Variants in TMEM43 observed in about 807,000 individuals in gnomAD.
TMEM43 encodes arrhythmogenic right ventricular dysplasia 5.
Under a neutral mutation model 49.6 loss-of-function variants are expected in TMEM43, and 45 were observed. The observed-to-expected ratio is 0.91, with a 90% CI of 0.71 to 1.16. The LOEUF (loss-of-function observed/expected upper bound fraction) is 1.16. Among genes scored for constraint, TMEM43 ranks in the 50% most tolerant of loss-of-function variants. The pLI is 0.00. For synonymous variants in TMEM43, 199 were observed against 207.8 expected (o/e 0.96, Z 0.36); for missense variants, 532 against 516.6 (o/e 1.03, Z -0.29).
rs10648308 is a variant in TMEM43 at position 14,129,307 on chromosome 3, T to TAA, written c.13-79_13-78dup. 0.018 allele frequency: 6,841 copies of TAA among 378,292 alleles called. 117 individuals are homozygous for TAA. Among genetic ancestry groups the TAA allele is most frequent in the African/African-American group, 0.069 (1,986 of 28,846 alleles). The allele number at this position is 378,292 out of a possible 1,614,324, so 23.4% of individuals were successfully genotyped here. On this transcript the variant is annotated intron_variant, in intron 1 of 11. Transcript: ENST00000306077. ...TGTTTTTACCACATACAGTTAAAAC[T>TAA]AAAAAAAAAAAAAAAAAAAAAAAAA...
intron 1 of TMEM43, among the ~76,000 whole-genome samples, chr3:14,126,031 C>T (rs1215485006): frequency 1.3e-5 from 2 of 152,174 alleles, no homozygotes; most frequent in African/African-American, 2.4e-5. Flanking sequence ...CACACCCTCC[C>T]TCCTGCTTTG....
At chr3:14,134,365 A>T (rs1479372152) in intron 7 of TMEM43, among the ~76,000 whole-genome samples, 1 of 152,160 alleles carries the variant, frequency 6.6e-6, no homozygotes, top group African/African-American at 2.4e-5. Flanking sequence ...AGTCCTGGGG[A>T]GGCTGGATGA....
chr3:14,133,830 G>A, intron 7 of TMEM43, 21 bp downstream of exon 7: 1 of 1,612,548 alleles, frequency 6.2e-7, no homozygotes, highest in Non-Finnish European at 8.5e-7. Context: ...GGCCTCTCCA[G>A]AGGAGCTCGT....
chr3:14,136,167 CTATT>C (rs1473526171), intron 10 of TMEM43, among the ~76,000 whole-genome samples: 1 of 152,168 alleles, frequency 6.6e-6, no homozygotes, highest in Non-Finnish European at 1.5e-5. Flanking sequence ...AACACAGAAT[CTATT>C]TATGTTTCAT....
Position 14,142,124 on chromosome 3 carries a change from C to G in TMEM43, c.*329C>G. 2.5e-6 allele frequency: 1 copy of G among 397,142 alleles called. No homozygotes were observed. Among genetic ancestry groups the G allele is most frequent in the Non-Finnish European group, 4.7e-6 (1 of 211,308 alleles). 24.6% of individuals were successfully genotyped at this position (397,142 alleles called of 1,614,324 possible). The stretch of plus-strand genomic sequence containing the variant: ...CTCAGCCCATTGGCAGCTGACAACG[C>G]AGACACGCTCTACGGAGGCCTGCTG... On this transcript the variant is annotated 3_prime_UTR_variant, in exon 12 of 12. Transcript: ENST00000306077.
intron 2 of TMEM43, among the ~76,000 whole-genome samples, 154 bp from the exon 3 acceptor site, chr3:14,130,668 C>G (rs1042693961): frequency 6.6e-6 from 1 of 152,068 alleles, no homozygotes; most frequent in African/African-American, 2.4e-5. Flanking sequence ...AGTCCTTACT[C>G]TCCACTTGCT....
At position 14,130,927 on chromosome 3, in the gene TMEM43, C is replaced by T. The variant is rs1437438778; in HGVS notation, c.268C>T (p.His90Tyr). ...TCCGGAGAATGAAGGAAGGCTGGTG[C>T]ACATCATTGGCGCCTTACGGACATC... Reference protein sequence around the residue: ...VAPENEGRLVHIIGALRTSKL... With the variant: ...VAPENEGRLVYIIGALRTSKL... Residue 90 changes from histidine (H) to tyrosine (Y), a missense_variant, in exon 3 of 12, where the codon CAC becomes TAC. Coordinates refer to ENST00000306077, the MANE Select transcript of TMEM43 (RefSeq NM_024334.3). 2 of 1,613,044 alleles carry T rather than the reference C, an allele frequency of 1.2e-6. No homozygotes were observed. Among genetic ancestry groups the T allele is most frequent in the Admixed American group, 3.3e-5 (2 of 59,962 alleles).
chr3:14,130,810 C>T lies in TMEM43; in HGVS notation c.163-12C>T. On this transcript the variant is annotated splice_polypyrimidine_tract_variant and intron_variant, in intron 2 of 11. Transcript: ENST00000306077. ...CTGAGCTGTTGAAATCCCCACTCCC[C>T]TTTGCTCCCAGGGCCGCGCATTGAA... is the stretch of plus-strand genomic sequence containing the variant. The T allele has an allele frequency of 6.2e-7, 1 of 1,613,626 alleles. No individual in the cohort carries two copies. The highest frequency in any genetic ancestry group is 1.1e-5 in the South Asian group (1 of 90,952).
In TMEM43 at chr3:14,125,191, AC is replaced by A. The variant is rs1559358896; in HGVS notation, c.-1del. ...AGGCGGCGGCAGCGAGCCGGGTCCC[AC>A]CATGGCCGCGAATGTGAGTATCCCC... On this transcript the variant is annotated 5_prime_UTR_variant, in exon 1 of 12. Transcript: ENST00000306077. 6.2e-7 allele frequency: 1 copy of A among 1,610,414 alleles called. No homozygotes were observed. The highest frequency in any genetic ancestry group is 1.3e-5 in the African/African-American group (1 of 75,022).
At chr3:14,140,600 G>A (rs963644032) in intron 11 of TMEM43, among the ~76,000 whole-genome samples, 61 of 152,144 alleles carry the variant, frequency 4.0e-4, no homozygotes, top group Admixed American at 3.9e-3. Flanking sequence ...TTCAAATCCT[G>A]GTTCTGGCAC....
rs1190861510 is a variant in TMEM43, at chr3:14,129,422, C to A, written c.23C>A (p.Thr8Asn). 1 of 1,612,662 alleles carries A rather than the reference C, an allele frequency of 6.2e-7. No individual in the cohort carries two copies. Residue 8 changes from threonine to asparagine, a missense_variant, in exon 2 of 12, where the codon ACC (threonine) becomes AAC (asparagine). By Grantham distance (65) the Thr-to-Asn change is moderately conservative (BLOSUM62 0). Coordinates refer to ENST00000306077, the MANE Select transcript of TMEM43 (RefSeq NM_024334.3). ...TTTCTTTTTCTTCAGTATTCCAGTA[C>A]CAGTACCCGGAGAGAACATGTCAAA... The part of the protein sequence containing the change: MAANYSS[T>N]STRREHVKVK...
intron 10 of TMEM43, chr3:14,137,922 A>C (rs2731329): frequency 1.3e-5 from 2 of 152,162 alleles, no homozygotes; most frequent in African/African-American, 4.8e-5. Flanking sequence ...CCTTGGGCAC[A>C]TGACTTATTC....
intron 11 of TMEM43, among the ~76,000 whole-genome samples, chr3:14,140,121 C>T (rs1468490297): frequency 6.6e-6 from 1 of 152,188 alleles, no homozygotes; most frequent in Non-Finnish European, 1.5e-5. Context: ...GCTGGGGGGA[C>T]CACCTCCTTT....
chr3:14,137,320 GCC>G (rs1695181961), intron 10 of TMEM43: 1 of 136,772 alleles, frequency 7.3e-6, no homozygotes. Context: ...AAATTAGGAG[GCC>G]CAGTCCAGGC....
In TMEM43 at chr3:14,138,366, A is replaced by G. The variant is rs192448200; in HGVS notation, c.883-814A>G. Reference sequence around the variant, plus strand: ...CTGTGTGGAGAACACAGAGTGGGTGATAGAAGCAGGGCCAGTGAGGCTCCT... The same window carrying G: ...CTGTGTGGAGAACACAGAGTGGGTGGTAGAAGCAGGGCCAGTGAGGCTCCT... On this transcript the variant is annotated intron_variant, in intron 10 of 11. Coordinates refer to ENST00000306077, the MANE Select transcript of TMEM43 (RefSeq NM_024334.3). Among the ~76,000 whole-genome samples, 77 of 152,212 alleles carry G rather than the reference A, an allele frequency of 5.1e-4. 1 individual carries two copies. Among genetic ancestry groups the G allele is most frequent in the Non-Finnish European group, 8.2e-4 (56 of 68,002 alleles).
At position 14,135,836 on chromosome 3, in the gene TMEM43, C is replaced by A. The variant is rs763026916; in HGVS notation, c.810C>A (p.Asp270Glu). Residue 270 changes from aspartate (D) to glutamate (E), a missense_variant, in exon 10 of 12, where the codon GAC (aspartate) becomes GAA (glutamate). Coordinates refer to ENST00000306077, the MANE Select transcript of TMEM43 (RefSeq NM_024334.3). Reference sequence around the variant, plus strand: ...CTGTGATTGCCCGGCAGCGGGGTGACCAGCTAGTCCCATTCTCCACCAAGT... The same window carrying A: ...CTGTGATTGCCCGGCAGCGGGGTGAACAGCTAGTCCCATTCTCCACCAAGT... Reference protein sequence around the residue: ...VVTVIARQRGDQLVPFSTKSG... With the variant: ...VVTVIARQRGEQLVPFSTKSG... 6.2e-7 allele frequency: 1 copy of A among 1,613,846 alleles called. No individual in the cohort carries two copies. Among genetic ancestry groups the A allele is most frequent in the Non-Finnish European group, 8.5e-7 (1 of 1,180,038 alleles).
At chr3:14,137,356 G>GGCCACA (rs371195182) in intron 10 of TMEM43, 1 of 136,718 alleles carries the variant, frequency 7.3e-6, no homozygotes. Context: ...CCAGGGCTGA[G>GGCCACA]GCCCAGCTCA....
chr3:14,126,424 T>C (rs1471060261), intron 1 of TMEM43, among the ~76,000 whole-genome samples: 1 of 152,056 alleles, frequency 6.6e-6, no homozygotes, highest in Non-Finnish European at 1.5e-5. Flanking sequence ...TTGCCCAAGC[T>C]CTCGTGGCCG....
Position 14,131,600 on chromosome 3 carries a change from TGG to T in TMEM43, c.321_322del (p.Val108ProfsTer20). ...TGAAGCTTTTGTCTGATCCAAACTATGGGGTCCATCTTCCGGCTGTGAAACTG... is the reference window on the plus strand; with the variant it reads ...TGAAGCTTTTGTCTGATCCAAACTATGGTCCATCTTCCGGCTGTGAAACTG... ...TSKLLSDPNYGVHLPAVKLRR... is the reference protein window; with the variant it reads ...TSKLLSDPNYXVHLPAVKLRR... On this transcript the variant is annotated frameshift_variant, in exon 4 of 12. Coordinates refer to ENST00000306077, the MANE Select transcript of TMEM43 (RefSeq NM_024334.3). LOFTEE classifies it high-confidence loss of function. 6.2e-7 allele frequency: 1 copy of T among 1,614,206 alleles called. No individual in the cohort carries two copies. The highest frequency in any genetic ancestry group is 8.5e-7 in the Non-Finnish European group (1 of 1,180,022).
Sources: allele counts gnomAD v4.1 joint callset (sites outside exome capture counted in the v4.1 genomes callset), GRCh38; gene constraint gnomAD v4.1.1; transcripts MANE v1.5; gene names NCBI Gene and HGNC (gene_info 2026-07-23, HGNC 2026-07-21).